The following ZNF692 variants were observed in gnomAD, a reference collection of about 807,000 sequenced individuals.
The protein encoded by ZNF692 is zinc finger protein 692.
Under a neutral mutation model 49.0 loss-of-function variants are expected in ZNF692, and 41 were observed. That is an observed-to-expected ratio of 0.84 (90% CI 0.65 to 1.08). The LOEUF is 1.08. Ranked by LOEUF, ZNF692 falls within the 50% of genes least tolerant of loss-of-function variation. The pLI is 0.00. For missense variants in ZNF692, 662 were observed against 662.2 expected (o/e 1.00, Z 0.00); for synonymous variants, 288 against 251.5 (o/e 1.15, Z -1.37).
chr1:248,855,997 C>T (rs1328931013), intron 6 of ZNF692, 51 bp from the exon 7 acceptor site: 3 of 1,562,948 alleles, frequency 1.9e-6, no homozygotes, highest in East Asian at 2.3e-5. Flanking sequence ...GGCAGTCAGC[C>T]ATCCCCTGCC....
At chr1:248,850,588 G>A in intron 11 of ZNF692, 72 bp from the exon 12 acceptor site, 1 of 1,592,488 alleles carries the variant, frequency 6.3e-7, no homozygotes, top group South Asian at 1.1e-5. Flanking sequence ...GGTTCCTCCT[G>A]CTCCCCACTG....
Position 248,858,734 on chromosome 1 carries a change from G to C in ZNF692, c.-13+184C>G, listed in dbSNP as rs1238683341. 1 of 666,438 alleles carries C rather than the reference G, an allele frequency of 1.5e-6. No homozygotes were observed. Among genetic ancestry groups the C allele is most frequent in the Non-Finnish European group, 2.6e-6 (1 of 379,894 alleles). 41.3% of individuals were successfully genotyped at this position (666,438 alleles called of 1,614,324 possible). A position where few individuals can be genotyped will look rare whatever the true frequency, so the allele number is the denominator to read the frequency against. The stretch of plus-strand genomic sequence containing the variant: ...GTCGTGTCCTGGCGTGCAGCTGGGG[G>C]CGCTCTTCATAGTTGGGTCGAGTGG... On this transcript the variant is annotated intron_variant, in intron 1 of 11. Coordinates refer to ENST00000306601, the MANE Select transcript of ZNF692 (RefSeq NM_017865.4). This position sits in a 1 kb window ranked among gnomAD's most constrained non-coding sequence, Gnocchi z 4.3.
chr1:248,850,348 C>T lies in ZNF692; in HGVS notation c.1422G>A (p.Leu474=). 6.2e-7 allele frequency: 1 copy of T among 1,614,074 alleles called. No individual in the cohort carries two copies. The change falls in exon 12 of 12, where the codon CTG becomes CTA. Residue 474 remains leucine, a synonymous_variant. Coordinates refer to ENST00000306601, the MANE Select transcript of ZNF692 (RefSeq NM_017865.4). ...TGGGTGACTCTTGAGGGGCTAGAAG[C>T]AGGGCTGGGTGACTTTTGCTACGGT... The part of the protein sequence containing the change: ...AAHRSKSHPA[L]LLAPQESPSG...
At chr1:248,857,199 C>T (rs1317653576) in intron 4 of ZNF692, 35 bp downstream of exon 4, 2 of 1,568,736 alleles carry the variant, frequency 1.3e-6, no homozygotes, top group Non-Finnish European at 8.6e-7. Flanking sequence ...GTTTTTCCTC[C>T]CTTTTCTCCA....
In ZNF692 at chr1:248,858,613, A is replaced by T; in HGVS notation, c.-12-292T>A. The T allele has an allele frequency of 6.6e-7, 1 of 1,508,632 alleles. No individual in the cohort carries two copies. Among genetic ancestry groups the T allele is most frequent in the Non-Finnish European group, 9.0e-7 (1 of 1,108,218 alleles). 93.5% of individuals were successfully genotyped at this position (1,508,632 alleles called of 1,614,324 possible). On this transcript the variant is annotated intron_variant, in intron 1 of 11. Coordinates refer to ENST00000306601, the MANE Select transcript of ZNF692 (RefSeq NM_017865.4). The surrounding 1 kb of genome is among the most constrained non-coding windows in gnomAD (Gnocchi z 4.3). Reference sequence around the variant, plus strand: ...AGTGGAGCTGTGGGGAAGGGGCGAGAGACTTTCACGGGAAATTTCAACTGG... The same window carrying T: ...AGTGGAGCTGTGGGGAAGGGGCGAGTGACTTTCACGGGAAATTTCAACTGG...
Position 248,856,586 on chromosome 1 carries a change from G to A in ZNF692, c.476-24C>T, listed in dbSNP as rs774062457. The A allele has an allele frequency of 3.5e-5, 56 of 1,613,896 alleles. No homozygotes were observed. In the Admixed American group the frequency reaches 8.5e-4, roughly 24 times the overall value. On this transcript the variant is annotated intron_variant, in intron 4 of 11. Transcript: ENST00000306601. ...ATCTGTGGGACAGGCAAAGTCAAAA[G>A]AGAAGGAACTCTGGACTCAAGGGAT...
chr1:248,850,773 C>T lies in ZNF692; in HGVS notation c.1162G>A (p.Asp388Asn). The change falls in exon 11 of 12, where the codon GAC becomes AAC. Residue 388 changes from aspartate (D) to asparagine (N), a missense_variant. Physicochemically the swap from Asp to Asn is conservative, Grantham distance 23 (BLOSUM62 1). Transcript: ENST00000306601. ...EHMKLHSDTR[D>N]YICEFCARSF... ...CGGGCGCAGAACTCACAGATGTAGT[C>T]CCGGGTGTCTGCAGGCATATGAGGG... 1 of 1,614,082 alleles carries T rather than the reference C, an allele frequency of 6.2e-7. No individual in the cohort carries two copies. The highest frequency in any genetic ancestry group is 1.3e-5 in the African/African-American group (1 of 75,004).
chr1:248,856,325 C>T lies in ZNF692; in HGVS notation c.622G>A (p.Asp208Asn), dbSNP rs1279170813. 1.2e-6 allele frequency: 2 copies of T among 1,607,640 alleles called. No homozygotes were observed. Residue 208 changes from aspartate to asparagine, a missense_variant, in exon 6 of 12, where the codon GAT becomes AAT. Coordinates refer to ENST00000306601, the MANE Select transcript of ZNF692 (RefSeq NM_017865.4). The stretch of plus-strand genomic sequence containing the variant: ...GAGCTGTAGGTCCATAAGCTGGCAT[C>T]ACTGAGCATCTCCTCTTCATCCTCA... ...NDEDEEEMLSDASLWTYSSSP... is the reference protein window; with the variant it reads ...NDEDEEEMLSNASLWTYSSSP...
Position 248,858,455 on chromosome 1 carries a change from A to AG in ZNF692, c.-12-135dup. 1 of 1,551,474 alleles carries AG rather than the reference A, an allele frequency of 6.4e-7. No homozygotes were observed. Among genetic ancestry groups the AG allele is most frequent in the South Asian group, 1.2e-5 (1 of 84,058 alleles). ...ACTAAACTATTTCAATAGCAGTGGC[A>AG]GGTGTGGAGCCAAACCCCGTCCTTC... On this transcript the variant is annotated intron_variant, in intron 1 of 11. Coordinates refer to ENST00000306601, the MANE Select transcript of ZNF692 (RefSeq NM_017865.4). The surrounding 1 kb of genome is among the most constrained non-coding windows in gnomAD (Gnocchi z 4.3).
intron 8 of ZNF692, 36 bp downstream of exon 8, chr1:248,855,522 C>T (rs1265212344): frequency 1.2e-5 from 19 of 1,613,360 alleles, no homozygotes; most frequent in Middle Eastern, 1.6e-4. Context: ...TCCCTCCTCT[C>T]GGCCCTCCCC....
Position 248,853,947 on chromosome 1 carries a change from C to T in ZNF692, c.1143G>A (p.Lys381=). The change falls in exon 10 of 12, where the codon AAG becomes AAA. Residue 381 remains lysine (K), a synonymous_variant. Transcript: ENST00000306601. ...NFKKHLKEHM[K]LHSDTRDYIC... is the part of the protein sequence containing the mutation. ...AGTTCCACCACTCACCACTGTGCAG[C>T]TTCATGTGCTCCTTCAGGTGTTTCT... 1 of 1,613,890 alleles carries T rather than the reference C, an allele frequency of 6.2e-7. No individual in the cohort carries two copies. The highest frequency in any genetic ancestry group is 1.1e-5 in the South Asian group (1 of 91,082).
rs1659435044 is a variant in ZNF692, at chr1:248,850,523, T to C, written c.1254-7A>G. On this transcript the variant is annotated splice_polypyrimidine_tract_variant and splice_region_variant and intron_variant, in intron 11 of 11. Coordinates refer to ENST00000306601, the MANE Select transcript of ZNF692 (RefSeq NM_017865.4). ...AAACCCGCATATCTCACACCTGGAG[T>C]CAGGGACAGAAGAGGGAAGGAACAA... 2 of 1,600,542 alleles carry C rather than the reference T, an allele frequency of 1.2e-6. No individual in the cohort carries two copies. Among genetic ancestry groups the C allele is most frequent in the Non-Finnish European group, 1.7e-6 (2 of 1,172,050 alleles).
At chr1:248,850,554 C>T (rs753619260) in intron 11 of ZNF692, 38 bp from the exon 12 acceptor site, 4 of 1,591,470 alleles carry the variant, frequency 2.5e-6, no homozygotes, top group Admixed American at 1.7e-5. Flanking sequence ...AACAAGGCCT[C>T]AGGCCATCAT....
At chr1:248,852,673 C>T (rs1659733592) in intron 10 of ZNF692, among the ~76,000 whole-genome samples, 1 of 152,242 alleles carries the variant, frequency 6.6e-6, no homozygotes, top group African/African-American at 2.4e-5. Flanking sequence ...CATCTGGTGG[C>T]TTCACCACTG....
chr1:248,851,172 A>G (rs1659541569), intron 10 of ZNF692, among the ~76,000 whole-genome samples: 1 of 152,044 alleles, frequency 6.6e-6, no homozygotes, highest in African/African-American at 2.4e-5. Context: ...GCCAAGCAGA[A>G]CCTTGGAGTC....
rs188146471 is a variant in ZNF692 at position 248,850,152 on chromosome 1, T to C, written c.*58A>G. 4.6e-4 allele frequency: 691 copies of C among 1,497,016 alleles called. No homozygotes were observed. The African/African-American group carries it at 7.5e-3, about 16-fold the overall frequency. The allele number at this position is 1,497,016 out of a possible 1,614,324, so 92.7% of individuals were successfully genotyped here. ...GCATTTCTCAAGCAGACCCTCTCCT[T>C]GTTGCTCCTTTTCAGTCCCTGGAGT... On this transcript the variant is annotated 3_prime_UTR_variant, in exon 12 of 12. Coordinates refer to ENST00000306601, the MANE Select transcript of ZNF692 (RefSeq NM_017865.4).
At chr1:248,851,833 C>T (rs561020800) in intron 10 of ZNF692, among the ~76,000 whole-genome samples, 6 of 152,364 alleles carry the variant, frequency 3.9e-5, no homozygotes, top group Non-Finnish European at 8.8e-5. Flanking sequence ...CATCCTGGTT[C>T]ATGCCAGGGC....
Position 248,856,415 on chromosome 1 carries a change from C to T in ZNF692, c.532G>A (p.Gly178Arg), listed in dbSNP as rs771223349. 2 of 1,613,442 alleles carry T rather than the reference C, an allele frequency of 1.2e-6. No individual in the cohort carries two copies. Among genetic ancestry groups the T allele is most frequent in the East Asian group, 4.5e-5 (2 of 44,882 alleles). The stretch of plus-strand genomic sequence containing the variant: ...GGTGGGAAGGTCTCTGGTGGGGGTC[C>T]CACCCTCCTGCAGGCCCAAAGAAGG... ...TQEARLPRRV[G>R]PPPETFPPPG... is the part of the protein sequence containing the mutation. The change falls in exon 6 of 12, where the codon GGA (glycine) becomes AGA (arginine). Residue 178 changes from glycine (G) to arginine (R), a missense_variant. Transcript: ENST00000306601.
rs1411980698 is a variant in ZNF692 at position 248,850,501 on chromosome 1, C to T, written c.1269G>A (p.Gly423=). The T allele has an allele frequency of 6.2e-7, 1 of 1,608,042 alleles. No individual in the cohort carries two copies. Among genetic ancestry groups the T allele is most frequent in the East Asian group, 2.2e-5 (1 of 44,804 alleles). The change falls in exon 12 of 12, where the codon GGG becomes GGA. Residue 423 remains glycine, a synonymous_variant. Coordinates refer to ENST00000306601, the MANE Select transcript of ZNF692 (RefSeq NM_017865.4). Reference sequence around the variant, plus strand: ...GGGAAGCCTTCTGGCGGCAGGTAAACCCGCATATCTCACACCTGGAGTCAG... The same window carrying T: ...GGGAAGCCTTCTGGCGGCAGGTAAATCCGCATATCTCACACCTGGAGTCAG... ...GEKPLQCEIC[G]FTCRQKASLN...
Sources: allele counts gnomAD v4.1 joint callset (sites outside exome capture counted in the v4.1 genomes callset), GRCh38; gene constraint gnomAD v4.1.1; non-coding constraint Gnocchi (gnomAD v3.1); transcripts MANE v1.5; gene names NCBI Gene and HGNC (gene_info 2026-07-23, HGNC 2026-07-21).